SPATA18: variants seen among roughly 807,000 people sequenced by gnomAD.
The protein encoded by SPATA18 is mitochondria-eating protein.
Under a neutral mutation model 68.1 loss-of-function variants are expected in SPATA18, and 54 were observed. The observed-to-expected ratio is 0.79, with a 90% CI of 0.64 to 0.99. The LOEUF (loss-of-function observed/expected upper bound fraction) is 0.99, where lower values mean the gene tolerates loss of function less well. Among genes scored for constraint, SPATA18 ranks in the 50% least tolerant of loss-of-function variants. The pLI is 0.00. For missense variants in SPATA18, 724 were observed against 681.1 expected (o/e 1.06, Z -0.70); for synonymous variants, 242 against 244.8 (o/e 0.99, Z 0.11).
chr4:52,065,914 C>T (rs1239212689), intron 4 of SPATA18, among the ~76,000 whole-genome samples: 1 of 152,128 alleles, frequency 6.6e-6, no homozygotes, highest in East Asian at 1.9e-4. Flanking sequence ...GCTTTTCCTC[C>T]TCTCCTATAT....
intron 11 of SPATA18, among the ~76,000 whole-genome samples, chr4:52,094,218 T>C (rs1411095440): frequency 6.6e-6 from 1 of 152,242 alleles, no homozygotes. Context: ...ATCTCCCAGA[T>C]ATTGTATCAT....
rs559412197 is a variant in SPATA18 at position 52,097,010 on chromosome 4, C to T, written c.*2123C>T. ...ATTTGCTTTCTACCCTGCCTGGCCA[C>T]TTGCTGTTTCTTCAGTTTCTAATTT... On this transcript the variant is annotated 3_prime_UTR_variant, in exon 13 of 13. Coordinates refer to ENST00000295213, the MANE Select transcript of SPATA18 (RefSeq NM_145263.4). 1 of 152,218 alleles carries T rather than the reference C, an allele frequency of 6.6e-6. No homozygotes were observed. The highest frequency in any genetic ancestry group is 1.5e-5 in the Non-Finnish European group (1 of 68,002). The allele number at this position is 152,218 out of a possible 1,614,324, so 9.4% of individuals were successfully genotyped here.
In SPATA18 at chr4:52,094,683, C is replaced by T. The variant is rs923478470; in HGVS notation, c.1609+111C>T. Reference sequence around the variant, plus strand: ...TTTGCTTCCTAGAGAGCATCTTTTTCTTACTCCTCACACCTTTCATGTCTG... The same window carrying T: ...TTTGCTTCCTAGAGAGCATCTTTTTTTTACTCCTCACACCTTTCATGTCTG... On this transcript the variant is annotated intron_variant, in intron 12 of 12. Transcript: ENST00000295213. 3 of 1,325,588 alleles carry T rather than the reference C, an allele frequency of 2.3e-6. No homozygotes were observed. The Admixed American group carries it at 5.4e-5, about 24-fold the overall frequency. 82.1% of individuals were successfully genotyped at this position (1,325,588 alleles called of 1,614,324 possible). A position where few individuals can be genotyped will look rare whatever the true frequency, so the allele number is the denominator to read the frequency against.
intron 1 of SPATA18, among the ~76,000 whole-genome samples, chr4:52,056,861 C>T (rs554808886): frequency 6.6e-6 from 1 of 152,290 alleles, no homozygotes; most frequent in Admixed American, 6.5e-5. Flanking sequence ...TCACACCCAC[C>T]TTCCTCTGTT....
chr4:52,072,616 G>A (rs919382982), intron 6 of SPATA18, among the ~76,000 whole-genome samples: 2 of 152,120 alleles, frequency 1.3e-5, no homozygotes, highest in African/African-American at 2.4e-5. Context: ...ATGTTGGCCA[G>A]GCTGGTCTCG....
At position 52,094,528 on chromosome 4, in the gene SPATA18, T is replaced by C. The variant is rs1578211089; in HGVS notation, c.1565T>C (p.Met522Thr). 3.7e-6 allele frequency: 6 copies of C among 1,613,004 alleles called. No homozygotes were observed. Among genetic ancestry groups the C allele is most frequent in the Non-Finnish European group, 5.1e-6 (6 of 1,179,226 alleles). Residue 522 changes from methionine (M) to threonine (T), a missense_variant and splice_region_variant, in exon 12 of 13, where the codon ATG becomes ACG. Coordinates refer to ENST00000295213, the MANE Select transcript of SPATA18 (RefSeq NM_145263.4). Reference protein sequence around the residue: ...CPRSQIGLNTMSRSRSPSPIR... With the variant: ...CPRSQIGLNTTSRSRSPSPIR... ...ACATTATTCTTTTATATTTTCCAGA[T>C]GTCTCGAAGTCGGAGTCCTTCTCCA...
rs1273221676 is a variant in SPATA18 at position 52,096,059 on chromosome 4, A to C, written c.*1172A>C. 2.0e-5 allele frequency: 3 copies of C among 152,198 alleles called. No homozygotes were observed. The highest frequency in any genetic ancestry group is 7.2e-5 in the African/African-American group (3 of 41,428). 9.4% of individuals were successfully genotyped at this position (152,198 alleles called of 1,614,324 possible). On this transcript the variant is annotated 3_prime_UTR_variant, in exon 13 of 13. Transcript: ENST00000295213. ...TTTGCATAAGCTTAGTGCCAGAACC[A>C]GCACCTGATGCTTTTCAGGTGAAAA...
chr4:52,062,367 A>AT, intron 4 of SPATA18, 35 bp downstream of exon 4: 1 of 1,395,310 alleles, frequency 7.2e-7, no homozygotes, highest in Non-Finnish European at 1.0e-6. Context: ...TTCCAAAAAG[A>AT]ATTGTTTTCA....
chr4:52,072,295 G>C (rs1739932118), intron 6 of SPATA18, 139 bp downstream of exon 6: 1 of 1,373,574 alleles, frequency 7.3e-7, no homozygotes, highest in Non-Finnish European at 9.7e-7. Flanking sequence ...GAATTGTAAA[G>C]GGATTGTTTT....
At position 52,076,798 on chromosome 4, in the gene SPATA18, C is replaced by G. The variant is rs73815293; in HGVS notation, c.778C>G (p.Pro260Ala). 6.2e-7 allele frequency: 1 copy of G among 1,613,944 alleles called. No homozygotes were observed. Among genetic ancestry groups the G allele is most frequent in the Non-Finnish European group, 8.5e-7 (1 of 1,179,874 alleles). ...LQGRSSRSRS[P>A]SPAPRSRSCS... ...CAACAGGTCCTCCAGGAGCCGGTCTCCCAGCCCTGCCCCTCGCAGCCGTAG... is the reference window on the plus strand; with the variant it reads ...CAACAGGTCCTCCAGGAGCCGGTCTGCCAGCCCTGCCCCTCGCAGCCGTAG... The change falls in exon 7 of 13, where the codon CCC becomes GCC. Residue 260 changes from proline (P) to alanine (A), a missense_variant. Pro to Ala is a conservative substitution (Grantham distance 27, BLOSUM62 -1). Coordinates refer to ENST00000295213, the MANE Select transcript of SPATA18 (RefSeq NM_145263.4).
intron 1 of SPATA18, among the ~76,000 whole-genome samples, chr4:52,059,828 T>C (rs1328760570): frequency 6.6e-6 from 1 of 152,272 alleles, no homozygotes; most frequent in Non-Finnish European, 1.5e-5. Flanking sequence ...ATTGAATTTA[T>C]GTAGAGGACA....
At chr4:52,071,892 T>G (rs1165339349) in intron 5 of SPATA18, 25 bp from the exon 6 acceptor site, 1 of 1,609,750 alleles carries the variant, frequency 6.2e-7, no homozygotes, top group East Asian at 2.2e-5. Flanking sequence ...CTTCCCTTCC[T>G]CTGCCCTCTC....
intron 1 of SPATA18, 128 bp downstream of exon 1, chr4:52,051,919 A>G: frequency 2.5e-6 from 2 of 803,638 alleles, no homozygotes; most frequent in Admixed American, 2.0e-5. Flanking sequence ...ATTCCTAACC[A>G]GGATCTCAGC....
At chr4:52,077,134 C>A in intron 7 of SPATA18, 94 bp downstream of exon 7, 1 of 1,356,896 alleles carries the variant, frequency 7.4e-7, no homozygotes, top group Non-Finnish European at 9.9e-7. Flanking sequence ...CTAGTGGATC[C>A]TGAGGTCACT....
chr4:52,077,429 C>T (rs1335898732), intron 7 of SPATA18, among the ~76,000 whole-genome samples: 1 of 150,392 alleles, frequency 6.6e-6, no homozygotes, highest in African/African-American at 2.5e-5. Context: ...TCTCTCCTTC[C>T]TTCCTTCCTT....
At chr4:52,076,035 A>T (rs1740309174) in intron 6 of SPATA18, among the ~76,000 whole-genome samples, 1 of 152,244 alleles carries the variant, frequency 6.6e-6, no homozygotes, top group Admixed American at 6.5e-5. Context: ...AAGGGACATG[A>T]ACTTGGATTG....
intron 4 of SPATA18, among the ~76,000 whole-genome samples, chr4:52,066,544 G>T (rs954855496): frequency 4.6e-5 from 7 of 152,152 alleles, no homozygotes; most frequent in African/African-American, 1.7e-4. Flanking sequence ...TGCAGGATGT[G>T]CAGGTTTGTT....
At chr4:52,051,896 C>A in intron 1 of SPATA18, 105 bp downstream of exon 1, 1 of 1,062,754 alleles carries the variant, frequency 9.4e-7, no homozygotes, top group Non-Finnish European at 1.4e-6. Context: ...TTTGCAAAGC[C>A]TCCGCGGTTG....
chr4:52,056,864 C>T (rs1738392986), intron 1 of SPATA18, among the ~76,000 whole-genome samples: 2 of 152,258 alleles, frequency 1.3e-5, no homozygotes, highest in South Asian at 4.1e-4. Context: ...CACCCACCTT[C>T]CTCTGTTGCA....
Sources: allele counts gnomAD v4.1 joint callset (sites outside exome capture counted in the v4.1 genomes callset), GRCh38; gene constraint gnomAD v4.1.1; transcripts MANE v1.5; gene names NCBI Gene and HGNC (gene_info 2026-07-23, HGNC 2026-07-21).